RAD50: variants seen among roughly 807,000 people sequenced by gnomAD.
The protein encoded by RAD50 is RAD50 double strand break repair protein.
In RAD50, 132 loss-of-function variants were observed where a neutral mutation model predicts 168.8. The observed-to-expected ratio is 0.78, with a 90% CI of 0.68 to 0.90. RAD50 has a LOEUF of 0.90. RAD50 is among the 40% of genes least tolerant of loss of function. The pLI is 0.00. For missense variants in RAD50, 1,347 were observed against 1,534.4 expected (o/e 0.88, Z 2.04); for synonymous variants, 525 against 497.4 (o/e 1.06, Z -0.74).
At chr5:132,640,172 C>G (rs1341494835) in intron 23 of RAD50, among the ~76,000 whole-genome samples, 2 of 152,106 alleles carry the variant, frequency 1.3e-5, no homozygotes, top group Admixed American at 1.3e-4. Context: ...CTAGGATTTT[C>G]TTTTTTATTC....
chr5:132,565,996 G>T (rs904475809), intron 2 of RAD50, among the ~76,000 whole-genome samples: 6 of 152,112 alleles, frequency 3.9e-5, no homozygotes, highest in Non-Finnish European at 8.8e-5. Context: ...GCATGAACAC[G>T]CACCTTCTTC....
At chr5:132,623,674 CA>C (rs1751323054) in intron 21 of RAD50, among the ~76,000 whole-genome samples, 1 of 152,094 alleles carries the variant, frequency 6.6e-6, no homozygotes, top group African/African-American at 2.4e-5. Flanking sequence ...TCATTTGTGG[CA>C]GGAGAATTAT....
Position 132,642,800 on chromosome 5 carries a change from T to G in RAD50, c.*436T>G, listed in dbSNP as rs1360369534. The G allele has an allele frequency of 5.6e-6, 2 of 354,922 alleles. No homozygotes were observed. The highest frequency in any genetic ancestry group is 4.1e-5 in the African/African-American group (2 of 48,788). 22.0% of individuals were successfully genotyped at this position (354,922 alleles called of 1,614,324 possible). On this transcript the variant is annotated 3_prime_UTR_variant, in exon 25 of 25. Transcript: ENST00000378823. ...TGCATGTGGTTTGAAAAACTGAGTA[T>G]TAATATCTGAGGATGACCAGAAATG...
intron 5 of RAD50, among the ~76,000 whole-genome samples, chr5:132,582,700 A>C (rs1370841620): frequency 6.6e-6 from 1 of 151,998 alleles, no homozygotes; most frequent in African/African-American, 2.4e-5. Context: ...TTTTCTGCAC[A>C]CAAGTTCATG....
At chr5:132,591,131 TGAG>T in intron 9 of RAD50, 90 bp from the exon 10 acceptor site, 1 of 1,270,962 alleles carries the variant, frequency 7.9e-7, no homozygotes, top group Admixed American at 1.7e-5. Flanking sequence ...TGGAACATTC[TGAG>T]GAGTAGTTAA....
intron 19 of RAD50, among the ~76,000 whole-genome samples, chr5:132,611,182 G>A (rs562971817): frequency 9.3e-5 from 14 of 151,250 alleles, no homozygotes; most frequent in African/African-American, 3.4e-4. Flanking sequence ...CCTGAGGTCA[G>A]GAGTTCAAGA....
intron 5 of RAD50, among the ~76,000 whole-genome samples, chr5:132,581,639 G>A (rs765239432): frequency 5.3e-5 from 8 of 152,014 alleles, no homozygotes; most frequent in Non-Finnish European, 1.0e-4. Flanking sequence ...ACCTTTACAA[G>A]CTTAATCAGA....
chr5:132,638,080 GA>G lies in RAD50; in HGVS notation c.3476del (p.Asp1159ValfsTer5), dbSNP rs1554100940. On this transcript the variant is annotated frameshift_variant and splice_region_variant, in exon 23 of 25. Transcript: ENST00000378823. LOFTEE classifies it high-confidence loss of function. ...CTAAAATATTCTTCTTCCTGTGTCA[GA>G]TATTGAATACATAGAAATACGGTCT... is the stretch of plus-strand genomic sequence containing the variant. ...DLWRSTYRGQ[D>X]IEYIEIRSDA... is the part of the protein sequence containing the mutation. 3 of 1,613,968 alleles carry G rather than the reference GA, an allele frequency of 1.9e-6. No homozygotes were observed. Among genetic ancestry groups the G allele is most frequent in the Non-Finnish European group, 2.5e-6 (3 of 1,179,866 alleles).
chr5:132,603,528 C>T, intron 14 of RAD50, 39 bp downstream of exon 14: 1 of 1,583,484 alleles, frequency 6.3e-7, no homozygotes, highest in East Asian at 2.2e-5. Context: ...AAAACTTGTT[C>T]CATGGTGGCT....
chr5:132,568,784 A>G (rs1274595935), intron 2 of RAD50, among the ~76,000 whole-genome samples: 1 of 152,340 alleles, frequency 6.6e-6, no homozygotes, highest in African/African-American at 2.4e-5. Flanking sequence ...TTAAAACAAA[A>G]TGGTAGAGGT....
At chr5:132,564,824 G>T (rs1350265335) in intron 2 of RAD50, among the ~76,000 whole-genome samples, 2 of 152,058 alleles carry the variant, frequency 1.3e-5, no homozygotes, top group African/African-American at 4.8e-5. Flanking sequence ...GGCTAAAAGG[G>T]CCCCAGATAT....
chr5:132,625,308 G>A (rs1334860331), intron 21 of RAD50, among the ~76,000 whole-genome samples: 1 of 151,912 alleles, frequency 6.6e-6, no homozygotes. Context: ...GGATGGTCTC[G>A]ATCTCCTGAC....
At chr5:132,623,647 C>CT (rs1466124279) in intron 21 of RAD50, among the ~76,000 whole-genome samples, 1 of 152,104 alleles carries the variant, frequency 6.6e-6, no homozygotes, top group Admixed American at 6.6e-5. Flanking sequence ...TGTTATAAGT[C>CT]TATCTAGTAG....
At chr5:132,561,018 T>C (rs772661328) in intron 2 of RAD50, among the ~76,000 whole-genome samples, 6 of 152,254 alleles carry the variant, frequency 3.9e-5, no homozygotes, top group Non-Finnish European at 5.9e-5. Context: ...ATAATCTCAA[T>C]GTGCCAGATA....
chr5:132,610,353 ATATT>A (rs1490295709), intron 19 of RAD50, among the ~76,000 whole-genome samples: 2 of 152,150 alleles, frequency 1.3e-5, no homozygotes, highest in Non-Finnish European at 2.9e-5. Flanking sequence ...TGTAAGGAAA[ATATT>A]TATATATTAA....
intron 19 of RAD50, among the ~76,000 whole-genome samples, chr5:132,611,761 A>G (rs895786971): frequency 3.3e-5 from 5 of 151,560 alleles, no homozygotes; most frequent in Admixed American, 1.3e-4. Context: ...CATTGTGTCA[A>G]TGCTAAAAGA....
intron 22 of RAD50, 121 bp downstream of exon 22, chr5:132,637,321 A>AT: frequency 6.8e-7 from 1 of 1,467,994 alleles, no homozygotes; most frequent in South Asian, 1.2e-5. Context: ...TGTCTTTGAG[A>AT]TTTTCTAAGA....
Position 132,642,282 on chromosome 5 carries a change from T to C in RAD50, c.3857T>C (p.Phe1286Ser), listed in dbSNP as rs587781369. Residue 1286 changes from phenylalanine to serine, a missense_variant, in exon 25 of 25, where the codon TTC becomes TCC. Transcript: ENST00000378823. ...GGACGTTCTGAATATGTGGAGAAAT[T>C]CTACAGGATTAAAAAGAACATCGAT... is the stretch of plus-strand genomic sequence containing the variant. ...LLGRSEYVEKFYRIKKNIDQC... is the reference protein window; with the variant it reads ...LLGRSEYVEKSYRIKKNIDQC... 4 of 1,614,036 alleles carry C rather than the reference T, an allele frequency of 2.5e-6. No homozygotes were observed. The highest frequency in any genetic ancestry group is 3.4e-6 in the Non-Finnish European group (4 of 1,179,914).
At position 132,618,277 on chromosome 5, in the gene RAD50, T is replaced by A. The variant is rs775069541; in HGVS notation, c.3372T>A (p.Tyr1124Ter). 4 of 1,614,038 alleles carry A rather than the reference T, an allele frequency of 2.5e-6. No homozygotes were observed. The highest frequency in any genetic ancestry group is 3.4e-6 in the Non-Finnish European group (4 of 1,179,962). ...TTGTGAACAAGGATCTGGATATTTATTATAAGACTCTTGACCAGTAAGTAT... is the reference window on the plus strand; with the variant it reads ...TTGTGAACAAGGATCTGGATATTTAATATAAGACTCTTGACCAGTAAGTAT... ...TELVNKDLDI[Y>*]YKTLDQAIMK... Residue 1124 changes from tyrosine to a stop codon, truncating the protein, a stop_gained, in exon 21 of 25, where the codon TAT becomes TAA. Transcript: ENST00000378823. LOFTEE classifies it high-confidence loss of function.
Sources: allele counts gnomAD v4.1 joint callset (sites outside exome capture counted in the v4.1 genomes callset), GRCh38; gene constraint gnomAD v4.1.1; transcripts MANE v1.5; gene names NCBI Gene and HGNC (gene_info 2026-07-23, HGNC 2026-07-21).